MACROH2A1: variants seen among roughly 807,000 people sequenced by gnomAD.
MACROH2A1 encodes core histone macro-H2A.1.
In MACROH2A1, 2 loss-of-function variants were observed where a neutral mutation model predicts 31.6. The observed-to-expected ratio is 0.06, with a 90% CI of 0.03 to 0.20. The LOEUF is 0.20. Ranked by LOEUF, MACROH2A1 falls within the 10% of genes least tolerant of loss-of-function variation. The pLI is 1.00. For missense variants in MACROH2A1, 230 were observed against 474.0 expected, an observed-to-expected ratio of 0.49 and a Z score of 4.78; for synonymous variants, 169 against 189.6, an observed-to-expected ratio of 0.89 and a Z score of 0.89.
chr5:135,355,250 C>A (rs1466357712), intron 5 of MACROH2A1: 1 of 456,056 alleles, frequency 2.2e-6, no homozygotes, highest in African/African-American at 2.0e-5. Context: ...GCGAACAGAA[C>A]TCAAGCTCAT....
intron 1 of MACROH2A1, among the ~76,000 whole-genome samples, chr5:135,394,718 A>C (rs1767725987): frequency 6.6e-6 from 1 of 152,176 alleles, no homozygotes; most frequent in Non-Finnish European, 1.5e-5. Flanking sequence ...CATTCTTAGC[A>C]CTCAGTGCAT....
intron 8 of MACROH2A1, among the ~76,000 whole-genome samples, chr5:135,336,636 TCTAGA>T (rs3836766): frequency 0.081 from 10,637 of 130,960 alleles, 1,203 homozygotes; most frequent in African/African-American, 0.34. Context: ...CCCTGGTGAT[TCTAGA>T]CTAGACTAAC....
chr5:135,357,708 A>T, intron 5 of MACROH2A1: 1 of 984,160 alleles, frequency 1.0e-6, no homozygotes, highest in Non-Finnish European at 1.2e-6. Context: ...ACAAAGCAAA[A>T]GCATTTAGTT....
chr5:135,369,550 G>A lies in MACROH2A1; in HGVS notation c.333C>T (p.Pro111=), dbSNP rs766138233. Residue 111 remains proline, a synonymous_variant, in exon 4 of 9, where the codon CCC becomes CCT. Transcript: ENST00000511689. The surrounding 1 kb of genome is among the most constrained non-coding windows in gnomAD (Gnocchi z 4.3). ...ASGGVLPNIH[P]ELLAKKRGSK... ...ATCCCCGCTTCTTCGCTAGCAACTCGGGGTGGATGTTGGGTAACACACCCC... is the reference window on the plus strand; with the variant it reads ...ATCCCCGCTTCTTCGCTAGCAACTCAGGGTGGATGTTGGGTAACACACCCC... 18 of 1,613,956 alleles carry A rather than the reference G, an allele frequency of 1.1e-5. No individual in the cohort carries two copies. The highest frequency in any genetic ancestry group is 1.6e-4 in the Middle Eastern group (1 of 6,068).
intron 2 of MACROH2A1, among the ~76,000 whole-genome samples, chr5:135,382,493 TAACTC>T (rs1238201913): frequency 6.6e-6 from 1 of 152,084 alleles, no homozygotes; most frequent in Admixed American, 6.5e-5. Flanking sequence ...TTACAAAAAT[TAACTC>T]AAAATGGATC....
chr5:135,372,687 CACGGCCCAA>C (rs1489213964), intron 2 of MACROH2A1, among the ~76,000 whole-genome samples: 1 of 152,234 alleles, frequency 6.6e-6, no homozygotes, highest in Non-Finnish European at 1.5e-5. Context: ...CTGTCCTGCC[CACGGCCCAA>C]GAGGATGCCA....
intron 6 of MACROH2A1, among the ~76,000 whole-genome samples, chr5:135,348,331 A>G (rs1761112557): frequency 6.6e-6 from 1 of 152,250 alleles, no homozygotes; most frequent in Non-Finnish European, 1.5e-5. Context: ...AAGCATAAAC[A>G]TGTGTTACTC....
intron 5 of MACROH2A1, chr5:135,359,919 G>A: frequency 1.0e-6 from 1 of 984,838 alleles, no homozygotes; most frequent in South Asian, 4.7e-5. Context: ...ATGGCGTCCT[G>A]GCAAAGTTGC....
intron 5 of MACROH2A1, 41 bp from the exon 6 acceptor site, chr5:135,353,086 G>T: frequency 7.7e-7 from 1 of 1,296,286 alleles, no homozygotes; most frequent in Non-Finnish European, 1.1e-6. Context: ...CAGGAGAGCT[G>T]GGAAGTCTCA....
intron 8 of MACROH2A1, among the ~76,000 whole-genome samples, chr5:135,340,747 A>AAACAAGCT (rs1302614598): frequency 2.4e-4 from 36 of 152,350 alleles, no homozygotes; most frequent in African/African-American, 8.2e-4. Flanking sequence ...TGGATGCAAC[A>AAACAAGCT]AACAAGCTGT....
At chr5:135,374,493 C>T (rs1007031856) in intron 2 of MACROH2A1, among the ~76,000 whole-genome samples, 12 of 152,230 alleles carry the variant, frequency 7.9e-5, no homozygotes, top group Non-Finnish European at 1.5e-4. Context: ...TGCCTGCCCC[C>T]CATGCACACT....
chr5:135,386,798 C>T (rs1766472189), intron 2 of MACROH2A1, among the ~76,000 whole-genome samples: 1 of 152,200 alleles, frequency 6.6e-6, no homozygotes. Context: ...CAATGGTATT[C>T]CCCATTCATG....
rs1012197199 is a variant in MACROH2A1, at chr5:135,334,733, A to C, written c.*243T>G. The C allele has an allele frequency of 1.8e-5, 8 of 434,128 alleles. No homozygotes were observed. The highest frequency in any genetic ancestry group is 3.3e-5 in the Non-Finnish European group (8 of 242,230). The allele number at this position is 434,128 out of a possible 1,614,324, so 26.9% of individuals were successfully genotyped here. A position where few individuals can be genotyped will look rare whatever the true frequency, so the allele number is the denominator to read the frequency against. On this transcript the variant is annotated 3_prime_UTR_variant, in exon 9 of 9. Transcript: ENST00000511689. ...AAAACTATAAAATCTCCTAGGTTAC[A>C]CTAAGTCAGACACGGTCTGGAACAC...
At chr5:135,336,539 C>CAACT (rs1309791361) in intron 8 of MACROH2A1, among the ~76,000 whole-genome samples, 10 of 152,238 alleles carry the variant, frequency 6.6e-5, no homozygotes, top group Non-Finnish European at 1.0e-4. Flanking sequence ...CCAGCGCATA[C>CAACT]AACTCTTCCC....
At chr5:135,372,543 G>A (rs777608101) in intron 2 of MACROH2A1, among the ~76,000 whole-genome samples, 2 of 152,244 alleles carry the variant, frequency 1.3e-5, no homozygotes, top group South Asian at 2.1e-4. Context: ...CCTTGGCCAA[G>A]CCAAAAAGGT....
chr5:135,365,103 G>A (rs117183660), intron 4 of MACROH2A1, among the ~76,000 whole-genome samples: 99 of 152,284 alleles, frequency 6.5e-4, no homozygotes, highest in Non-Finnish European at 1.2e-3. Flanking sequence ...GATTCTTAGC[G>A]TACATCTGAT....
chr5:135,395,724 G>A (rs574476889), intron 1 of MACROH2A1, among the ~76,000 whole-genome samples: 1 of 152,288 alleles, frequency 6.6e-6, no homozygotes, highest in East Asian at 1.9e-4. Flanking sequence ...TTCACAAGCT[G>A]CACTCTGATT....
chr5:135,396,043 T>C (rs1001012780), intron 1 of MACROH2A1, among the ~76,000 whole-genome samples: 4 of 152,218 alleles, frequency 2.6e-5, no homozygotes, highest in African/African-American at 4.8e-5. Context: ...TAGTCTGGGA[T>C]TGAAATTTCA....
intron 5 of MACROH2A1, chr5:135,360,109 G>C (rs1037247064): frequency 7.3e-6 from 2 of 273,908 alleles, no homozygotes; most frequent in Non-Finnish European, 1.4e-5. Flanking sequence ...CCCAGGACAA[G>C]CAGGCTGCCG....
Sources: gnomAD v4.1 joint callset for allele counts (sites outside exome capture counted in the v4.1 genomes callset) on GRCh38, gnomAD v4.1.1 for gene constraint, Gnocchi (gnomAD v3.1) non-coding constraint, MANE v1.5 for transcripts, NCBI Gene and HGNC (gene_info 2026-07-23, HGNC 2026-07-21) for gene names.